WASF1: variants seen among roughly 807,000 people sequenced by gnomAD.
WASF1 encodes WASP family member 1, also known as actin-binding protein WASF1.
A neutral mutation model predicts 50.5 loss-of-function variants in WASF1; 7 were observed. The ratio of observed to expected loss-of-function variants is 0.14; its 90% CI spans 0.08 to 0.26. The LOEUF (loss-of-function observed/expected upper bound fraction) is 0.26. Ranked by LOEUF, WASF1 falls within the 10% of genes least tolerant of loss-of-function variation. The probability of loss-of-function intolerance (pLI) is 1.00; values close to 1 mark genes in which losing one functional copy is unlikely to be tolerated. For missense variants in WASF1, 470 were observed against 694.7 expected (o/e 0.68, Z 3.64); for synonymous variants, 205 against 244.0 (o/e 0.84, Z 1.49).
Position 110,103,533 on chromosome 6 carries a change from C to T in WASF1, c.738G>A (p.Met246Ile). 6.2e-7 allele frequency: 1 copy of T among 1,613,424 alleles called. No individual in the cohort carries two copies. Among genetic ancestry groups the T allele is most frequent in the Non-Finnish European group, 8.5e-7 (1 of 1,179,600 alleles). Residue 246 changes from methionine (M) to isoleucine (I), a missense_variant, in exon 9 of 11, where the codon ATG becomes ATA. Physicochemically the swap from Met to Ile is conservative, Grantham distance 10 (BLOSUM62 1). Coordinates refer to ENST00000392589, the MANE Select transcript of WASF1 (RefSeq NM_003931.3). ...ETRPQTYVDH[M>I]DGSYSLSALP... Reference sequence around the variant, plus strand: ...AGGCAGAAAGTGAGTAAGATCCATCCATATGATCCACGTATGTCTGAGGTC... The same window carrying T: ...AGGCAGAAAGTGAGTAAGATCCATCTATATGATCCACGTATGTCTGAGGTC...
intron 8 of WASF1, 136 bp from the exon 9 acceptor site, chr6:110,103,693 GTATTA>G: frequency 5.1e-6 from 4 of 784,596 alleles, no homozygotes; most frequent in Non-Finnish European, 7.6e-6. Context: ...TTTCAGAAAT[GTATTA>G]TATTAATCCT....
chr6:110,116,108 G>A (rs914911812), intron 4 of WASF1, among the ~76,000 whole-genome samples: 3 of 152,172 alleles, frequency 2.0e-5, no homozygotes, highest in African/African-American at 7.2e-5. Context: ...AGCTCCCAGC[G>A]AAACTGATGC....
At position 110,129,943 on chromosome 6, in the gene WASF1, T is replaced by C. The variant is rs557646821; in HGVS notation, c.-28-2314A>G. 4.6e-5 allele frequency among the ~76,000 whole-genome samples: 7 copies of C among 152,344 alleles called. No homozygotes were observed. The East Asian group carries it at 5.8e-4, about 13-fold the overall frequency. ...CATTTTTCATGGTTTCAACTTATAC[T>C]GTCATTTTTTACAGTCCTGCACTAC... is the stretch of plus-strand genomic sequence containing the variant. On this transcript the variant is annotated intron_variant, in intron 3 of 10. Coordinates refer to ENST00000392589, the MANE Select transcript of WASF1 (RefSeq NM_003931.3).
chr6:110,120,794 A>G (rs1417534139), intron 4 of WASF1, among the ~76,000 whole-genome samples: 2 of 152,224 alleles, frequency 1.3e-5, no homozygotes, highest in Admixed American at 6.5e-5. Context: ...CTACACTACA[A>G]GGCTACAGTA....
intron 2 of WASF1, among the ~76,000 whole-genome samples, chr6:110,163,908 G>A (rs905375911): frequency 6.6e-6 from 1 of 151,466 alleles, no homozygotes; most frequent in African/African-American, 2.4e-5. Flanking sequence ...AAACAGACCC[G>A]TGCAAATAGT....
chr6:110,142,657 A>G (rs917806917), intron 3 of WASF1, among the ~76,000 whole-genome samples: 4 of 152,132 alleles, frequency 2.6e-5, no homozygotes, highest in African/African-American at 7.2e-5. Context: ...GAAACCCTAA[A>G]TGCTAAAAGG....
At chr6:110,122,504 C>T (rs527342766) in intron 4 of WASF1, among the ~76,000 whole-genome samples, 269 of 152,276 alleles carry the variant, frequency 1.8e-3, no homozygotes, top group Non-Finnish European at 3.1e-3. Context: ...ACCTCTACTA[C>T]TTCTACCTCC....
chr6:110,147,986 ATCC>A (rs757822634), intron 3 of WASF1, among the ~76,000 whole-genome samples: 63 of 152,098 alleles, frequency 4.1e-4, no homozygotes, highest in Non-Finnish European at 7.4e-5. Flanking sequence ...GGCTCAAGTA[ATCC>A]TCCTGCCTTA....
intron 2 of WASF1, among the ~76,000 whole-genome samples, chr6:110,162,014 G>A (rs78471937): frequency 0.033 from 4,993 of 151,482 alleles, 148 homozygotes; most frequent in South Asian, 0.12. Flanking sequence ...TTTTGAAAGC[G>A]TACGAGTCGT....
At chr6:110,154,723 A>T (rs776326835) in intron 3 of WASF1, among the ~76,000 whole-genome samples, 2 of 152,112 alleles carry the variant, frequency 1.3e-5, no homozygotes, top group Non-Finnish European at 2.9e-5. Flanking sequence ...ATATAGGAAC[A>T]AACAAACACA....
intron 5 of WASF1, among the ~76,000 whole-genome samples, 193 bp from the exon 6 acceptor site, chr6:110,108,874 T>C: frequency 6.6e-6 from 1 of 152,182 alleles, no homozygotes; most frequent in Admixed American, 6.5e-5. Context: ...CGCCTAATTT[T>C]CCCAATCAGA....
intron 3 of WASF1, among the ~76,000 whole-genome samples, chr6:110,135,309 G>A (rs1774896713): frequency 6.7e-6 from 1 of 148,858 alleles, no homozygotes. Flanking sequence ...CATTTCATTG[G>A]TGAACAGCGA....
chr6:110,116,878 C>T (rs1439089509), intron 4 of WASF1, among the ~76,000 whole-genome samples: 1 of 152,106 alleles, frequency 6.6e-6, no homozygotes, highest in Admixed American at 6.5e-5. Flanking sequence ...GGTGGTGATA[C>T]CCAGGCAAAC....
chr6:110,142,450 T>C (rs1775289477), intron 3 of WASF1, among the ~76,000 whole-genome samples: 1 of 152,156 alleles, frequency 6.6e-6, no homozygotes, highest in Non-Finnish European at 1.5e-5. Context: ...CCTTATTCCT[T>C]GGTGATTTCT....
intron 2 of WASF1, among the ~76,000 whole-genome samples, chr6:110,167,971 T>C (rs1278222409): frequency 6.6e-6 from 1 of 152,036 alleles, no homozygotes; most frequent in Non-Finnish European, 1.5e-5. Context: ...AAAACGTAAA[T>C]CATGATTTTG....
At chr6:110,171,939 T>C (rs1776734736) in intron 2 of WASF1, among the ~76,000 whole-genome samples, 2 of 152,148 alleles carry the variant, frequency 1.3e-5, no homozygotes. Context: ...AAAATGCTCA[T>C]CACCACTGGT....
intron 3 of WASF1, among the ~76,000 whole-genome samples, chr6:110,142,843 A>G (rs1664082626): frequency 6.6e-6 from 1 of 151,746 alleles, no homozygotes; most frequent in South Asian, 2.1e-4. Context: ...CTTTTTTATT[A>G]AAAAGGGCTA....
chr6:110,114,763 A>G (rs897479981), intron 4 of WASF1, among the ~76,000 whole-genome samples: 20 of 152,074 alleles, frequency 1.3e-4, no homozygotes, highest in African/African-American at 4.8e-4. Flanking sequence ...CCCAGATGCC[A>G]TTAAGAAAAT....
intron 3 of WASF1, among the ~76,000 whole-genome samples, chr6:110,154,845 G>C (rs975368390): frequency 6.6e-6 from 1 of 152,036 alleles, no homozygotes; most frequent in Non-Finnish European, 1.5e-5. Flanking sequence ...GATAAAAATT[G>C]AAATGCAAAG....
Sources: allele counts gnomAD v4.1 joint callset (sites outside exome capture counted in the v4.1 genomes callset), GRCh38; gene constraint gnomAD v4.1.1; transcripts MANE v1.5; gene names NCBI Gene and HGNC (gene_info 2026-07-23, HGNC 2026-07-21).